The following VRTN variants were observed in gnomAD, a reference collection of about 807,000 sequenced individuals.
VRTN encodes vertebrae development associated.
Under a neutral mutation model 18.2 loss-of-function variants are expected in VRTN, and 5 were observed. That is an observed-to-expected ratio of 0.27 (90% CI 0.14 to 0.58). VRTN has a LOEUF of 0.58. VRTN is among the 20% of genes least tolerant of loss of function. The pLI is 0.91. For missense variants in VRTN, 741 were observed against 939.4 expected, an observed-to-expected ratio of 0.79 and a Z score of 2.76; for synonymous variants, 381 against 393.7, an observed-to-expected ratio of 0.97 and a Z score of 0.38.
chr14:74,330,781 A>G (rs2085516834), intron 1 of VRTN, among the ~76,000 whole-genome samples: 1 of 152,086 alleles, frequency 6.6e-6, no homozygotes, highest in Non-Finnish European at 1.5e-5. Flanking sequence ...GCGTTCTAGA[A>G]GTTGACCACT....
chr14:74,308,203 C>T (rs902005308), intron 1 of VRTN, among the ~76,000 whole-genome samples: 1 of 151,930 alleles, frequency 6.6e-6, no homozygotes, highest in East Asian at 1.9e-4. Flanking sequence ...TTGCTTGAGC[C>T]CAGGAGTTCA....
intron 1 of VRTN, among the ~76,000 whole-genome samples, chr14:74,333,886 T>TA (rs141343862): frequency 0.32 from 48,501 of 151,894 alleles, 11,736 homozygotes; most frequent in African/African-American, 0.66. Flanking sequence ...TAAAACAACA[T>TA]AACAACATTT....
At chr14:74,323,144 A>T (rs1269542705) in intron 1 of VRTN, among the ~76,000 whole-genome samples, 1 of 152,084 alleles carries the variant, frequency 6.6e-6, no homozygotes, top group Non-Finnish European at 1.5e-5. Flanking sequence ...AAAAAAAAGC[A>T]TACTGGGAAT....
At chr14:74,348,389 G>A (rs1468544601), upstream of VRTN, 2 of 152,240 alleles carry the variant, frequency 1.3e-5, no homozygotes, top group East Asian at 1.9e-4. Flanking sequence ...CCCCGAATTT[G>A]CACTTCTTTC....
chr14:74,353,783 C>T (rs11159075), intron 1 of VRTN, among the ~76,000 whole-genome samples: 61,267 of 151,642 alleles, frequency 0.4, 14,158 homozygotes, highest in Non-Finnish European at 0.51. Context: ...ACTGCAGTGG[C>T]GTGATCTTGG....
intron 1 of VRTN, among the ~76,000 whole-genome samples, chr14:74,319,672 C>A (rs1393120194): frequency 6.6e-6 from 1 of 152,170 alleles, no homozygotes. Context: ...GTTACATAAG[C>A]AATTGGCTGT....
Position 74,357,685 on chromosome 14 carries a change from G to T in VRTN, c.902G>T (p.Arg301Leu). 1 of 1,613,590 alleles carries T rather than the reference G, an allele frequency of 6.2e-7. No individual in the cohort carries two copies. Among genetic ancestry groups the T allele is most frequent in the Non-Finnish European group, 8.5e-7 (1 of 1,179,962 alleles). ...VTKSTFYRWR[R>L]QSQEHRQKVA... ...AAAAGCACCTTCTACCGCTGGCGGC[G>T]GCAGTCCCAGGAGCACCGGCAGAAG... Residue 301 changes from arginine (R) to leucine (L), a missense_variant, in exon 2 of 2, where the codon CGG becomes CTG. Arg to Leu is a moderately radical substitution (Grantham distance 102). Around this residue, in one of 3 missense-constraint regions of VRTN, gnomAD observed 494 missense variants for 546.5 expected, o/e 0.90. Transcript: ENST00000256362. This position sits in a 1 kb window ranked among gnomAD's most constrained non-coding sequence, Gnocchi z 7.8.
intron 1 of VRTN, among the ~76,000 whole-genome samples, chr14:74,327,431 C>A (rs916663407): frequency 6.6e-6 from 1 of 152,196 alleles, no homozygotes; most frequent in East Asian, 1.9e-4. Context: ...TCACAGGAGC[C>A]ATCCTATGAT....
chr14:74,328,477 C>T (rs2085501481), intron 1 of VRTN, among the ~76,000 whole-genome samples: 1 of 152,144 alleles, frequency 6.6e-6, no homozygotes, highest in Non-Finnish European at 1.5e-5. Context: ...AGCAATTCTA[C>T]TTGGTGAGTC....
chr14:74,356,717 A>G (rs1173856001), intron 1 of VRTN, 66 bp from the exon 2 acceptor site: 132 of 1,507,832 alleles, frequency 8.8e-5, no homozygotes, highest in Non-Finnish European at 1.1e-4. Flanking sequence ...TGGACAGGGC[A>G]CCTTTGCTAG....
At chr14:74,310,046 G>A (rs1286305021) in intron 1 of VRTN, among the ~76,000 whole-genome samples, 2 of 152,092 alleles carry the variant, frequency 1.3e-5, no homozygotes, top group African/African-American at 4.8e-5. Flanking sequence ...ATCAAAGGAG[G>A]AGCAGTTAAA....
chr14:74,339,383 A>T (rs2085585480), intron 2 of VRTN, among the ~76,000 whole-genome samples: 2 of 152,138 alleles, frequency 1.3e-5, no homozygotes, highest in African/African-American at 4.8e-5. Context: ...CTGAGTGGTC[A>T]TCCATCTCTT....
Position 74,358,313 on chromosome 14 carries a change from T to C in VRTN, c.1530T>C (p.Arg510=), listed in dbSNP as rs1264589665. The C allele has an allele frequency of 6.2e-7, 1 of 1,611,644 alleles. No homozygotes were observed. The highest frequency in any genetic ancestry group is 1.1e-5 in the South Asian group (1 of 91,010). The change falls in exon 2 of 2, where the codon CGT becomes CGC. Residue 510 remains arginine (R), a synonymous_variant. Transcript: ENST00000256362. This position sits in a 1 kb window ranked among gnomAD's most constrained non-coding sequence, Gnocchi z 5.4. ...TGCCCCTGTCCCGTTGGCAGAGGCG[T>C]CTGCGCAGGGCTGCCCGCAGGCAGG... ...LRMPLSRWQR[R]LRRAARRQVL...
upstream of VRTN, among the ~76,000 whole-genome samples, chr14:74,343,640 G>A (rs1191655422): frequency 6.6e-6 from 1 of 152,146 alleles, no homozygotes; most frequent in East Asian, 1.9e-4. Context: ...TGCATTAAAT[G>A]GAGTTCATGC....
chr14:74,307,953 C>T (rs957570220), intron 1 of VRTN, among the ~76,000 whole-genome samples: 2 of 152,152 alleles, frequency 1.3e-5, no homozygotes, highest in Non-Finnish European at 2.9e-5. Context: ...TGGTCTCGAA[C>T]TCCTGATCTT....
At chr14:74,306,563 G>C (rs1289780791) in intron 1 of VRTN, 1 of 151,026 alleles carries the variant, frequency 6.6e-6, no homozygotes, top group Non-Finnish European at 1.5e-5. Flanking sequence ...TACTGTTCTA[G>C]TGTAGTTGGT....
intron 1 of VRTN, among the ~76,000 whole-genome samples, chr14:74,350,449 G>A (rs554294391): frequency 5.3e-5 from 8 of 152,224 alleles, no homozygotes; most frequent in East Asian, 3.9e-4. Flanking sequence ...ATATCTGGAC[G>A]TTGTGTTGGA....
At position 74,357,363 on chromosome 14, in the gene VRTN, C is replaced by T. The variant is rs570368510; in HGVS notation, c.580C>T (p.Arg194Cys). The T allele has an allele frequency of 1.5e-4, 248 of 1,613,962 alleles. No homozygotes were observed. Among genetic ancestry groups the T allele is most frequent in the Admixed American group, 3.3e-4 (20 of 60,024 alleles). Residue 194 changes from arginine to cysteine, a missense_variant, in exon 2 of 2, where the codon CGC becomes TGC. Transcript: ENST00000256362. The surrounding 1 kb of genome is among the most constrained non-coding windows in gnomAD (Gnocchi z 7.8). ...GAACATCTACTCCATCTACCCCATG[C>T]GCAACCTCAAGATCCGGCCCTACTT... The part of the protein sequence containing the change: ...QRNIYSIYPM[R>C]NLKIRPYFNR...
At chr14:74,306,784 T>A (rs1291566794) in intron 1 of VRTN, among the ~76,000 whole-genome samples, 1 of 151,546 alleles carries the variant, frequency 6.6e-6, no homozygotes, top group Non-Finnish European at 1.5e-5. Context: ...TTTTTTTTTT[T>A]AAATAGAGAT....
Sources: allele counts gnomAD v4.1 joint callset (sites outside exome capture counted in the v4.1 genomes callset), GRCh38; gene constraint gnomAD v4.1.1; regional missense constraint gnomAD v4.1.1; non-coding constraint Gnocchi (gnomAD v3.1); transcripts MANE v1.5; gene names NCBI Gene and HGNC (gene_info 2026-07-23, HGNC 2026-07-21).